The following NOVA2 variants were observed in gnomAD, a reference collection of about 807,000 sequenced individuals.
NOVA2 encodes the protein RNA-binding protein Nova-2.
NOVA2 carries 9 observed loss-of-function variants against 22.5 expected under a neutral mutation model. That is an observed-to-expected ratio of 0.40 (90% confidence interval 0.24 to 0.70). NOVA2 has a LOEUF of 0.70. NOVA2 is among the 30% of genes least tolerant of loss of function. NOVA2 has a pLI of 0.38. For missense variants in NOVA2, 383 were observed against 682.8 expected, an observed-to-expected ratio of 0.56 and a Z score of 4.89; for synonymous variants, 318 against 335.2, an observed-to-expected ratio of 0.95 and a Z score of 0.56.
chr19:45,962,950 T>C (rs1179798876), intron 1 of NOVA2, among the ~76,000 whole-genome samples: 1 of 151,646 alleles, frequency 6.6e-6, no homozygotes, highest in Admixed American at 6.6e-5. Context: ...ACCTTGCTTA[T>C]TATAAACCAG....
intron 2 of NOVA2, among the ~76,000 whole-genome samples, chr19:45,954,865 T>TGC (rs1236781643): frequency 3.8e-4 from 57 of 150,176 alleles, no homozygotes; most frequent in African/African-American, 1.4e-3. Flanking sequence ...GGTGTGTGTG[T>TGC]GTGTGTGTGT....
chr19:45,958,568 A>T (rs1217076465), intron 2 of NOVA2, among the ~76,000 whole-genome samples: 2 of 141,284 alleles, frequency 1.4e-5, no homozygotes, highest in South Asian at 4.3e-4. Flanking sequence ...TGTGGGTGTG[A>T]GGGTGTGAGT....
In NOVA2 at chr19:45,953,912, C is replaced by A. The variant is rs146320241; in HGVS notation, c.264G>T (p.Thr88=). 1 of 1,614,150 alleles carries A rather than the reference C, an allele frequency of 6.2e-7. No individual in the cohort carries two copies. The highest frequency in any genetic ancestry group is 1.7e-5 in the Admixed American group (1 of 60,002). The change falls in exon 3 of 4, where the codon ACG becomes ACT. Residue 88 remains threonine (T), a synonymous_variant. Transcript: ENST00000263257. ...TGTGCACAGCATTCAAGGCCTCTGCCGTGCCCTGTACTAGGCATACCCGCT... is the reference window on the plus strand; with the variant it reads ...TGTGCACAGCATTCAAGGCCTCTGCAGTGCCCTGTACTAGGCATACCCGCT... The part of the protein sequence containing the change: ...TTERVCLVQG[T]AEALNAVHSF...
chr19:45,972,471 A>T (rs565079485), intron 1 of NOVA2, among the ~76,000 whole-genome samples: 5 of 151,992 alleles, frequency 3.3e-5, no homozygotes, highest in South Asian at 2.1e-4. Context: ...CTTGCATGTC[A>T]CACACACCCT....
chr19:45,941,192 T>C (rs935313919), intron 3 of NOVA2, among the ~76,000 whole-genome samples: 1 of 151,872 alleles, frequency 6.6e-6, no homozygotes, highest in African/African-American at 2.4e-5. Flanking sequence ...CTCAGGAGGC[T>C]GAGGCAGGAG....
chr19:45,958,376 A>AGT (rs35437596), intron 2 of NOVA2, among the ~76,000 whole-genome samples: 5 of 148,934 alleles, frequency 3.4e-5, no homozygotes, highest in Admixed American at 1.3e-4. Flanking sequence ...TGTGTGTGAG[A>AGT]GTGTGTGTGT....
chr19:45,970,826 C>T (rs576659496), intron 1 of NOVA2, among the ~76,000 whole-genome samples: 3 of 152,166 alleles, frequency 2.0e-5, no homozygotes, highest in Non-Finnish European at 2.9e-5. Flanking sequence ...CCTTGCCCAG[C>T]CCTGCCCCTG....
chr19:45,951,651 G>T (rs2146415120), intron 3 of NOVA2, among the ~76,000 whole-genome samples: 1 of 147,314 alleles, frequency 6.8e-6, no homozygotes, highest in South Asian at 2.2e-4. Context: ...AAAAAAATTA[G>T]CCAGGCGTGG....
At position 45,939,809 on chromosome 19, in the gene NOVA2, G is replaced by A; in HGVS notation, c.*54C>T. On this transcript the variant is annotated 3_prime_UTR_variant, in exon 4 of 4. Coordinates refer to ENST00000263257, the MANE Select transcript of NOVA2 (RefSeq NM_002516.4). ...TCAGGAGTTGGGGGGGAGGAGGAGA[G>A]GGAAGAGGAGGAGATGGGAGGAGAG... The A allele has an allele frequency of 3.7e-6, 6 of 1,602,176 alleles. No homozygotes were observed. The highest frequency in any genetic ancestry group is 5.1e-6 in the Non-Finnish European group (6 of 1,172,978).
chr19:45,949,208 T>C lies in NOVA2; in HGVS notation c.396+4572A>G, dbSNP rs190265910. Reference sequence around the variant, plus strand: ...TGGCATGATGAAAATGTTCTGGAATTAGATGGTAACTGATGTACGACTCTG... The same window carrying C: ...TGGCATGATGAAAATGTTCTGGAATCAGATGGTAACTGATGTACGACTCTG... On this transcript the variant is annotated intron_variant, in intron 3 of 3. Coordinates refer to ENST00000263257, the MANE Select transcript of NOVA2 (RefSeq NM_002516.4). Among the ~76,000 whole-genome samples the C allele has an allele frequency of 3.2e-3, 484 of 151,664 alleles. 2 individuals are homozygous for C. The highest frequency in any genetic ancestry group is 5.4e-3 in the Non-Finnish European group (368 of 67,946).
At chr19:45,949,915 A>G (rs972865428) in intron 3 of NOVA2, among the ~76,000 whole-genome samples, 1 of 151,282 alleles carries the variant, frequency 6.6e-6, no homozygotes, top group Non-Finnish European at 1.5e-5. Flanking sequence ...TGATTTTTGT[A>G]TTTTTAGTAG....
intron 1 of NOVA2, among the ~76,000 whole-genome samples, chr19:45,970,165 T>C (rs970645711): frequency 1.3e-5 from 2 of 152,144 alleles, no homozygotes; most frequent in African/African-American, 4.8e-5. Context: ...TGGGTTAACA[T>C]GATAGAATTG....
intron 3 of NOVA2, among the ~76,000 whole-genome samples, chr19:45,948,981 A>G (rs1967883185): frequency 6.6e-6 from 1 of 152,236 alleles, no homozygotes; most frequent in African/African-American, 2.4e-5. Flanking sequence ...GACACATGCT[A>G]AACTATAGAT....
At position 45,961,167 on chromosome 19, in the gene NOVA2, C is replaced by T. The variant is rs1432987149; in HGVS notation, c.86-14G>A. The T allele has an allele frequency of 3.8e-6, 6 of 1,594,902 alleles. No individual in the cohort carries two copies. The highest frequency in any genetic ancestry group is 5.1e-6 in the Non-Finnish European group (6 of 1,171,218). The stretch of plus-strand genomic sequence containing the variant: ...ATTCGCCTTCCTCTGCGGGGGCACA[C>T]AGGGTGGAGGGGAGTCAGCGGGGGA... On this transcript the variant is annotated splice_polypyrimidine_tract_variant and intron_variant, in intron 1 of 3. Transcript: ENST00000263257.
At position 45,939,339 on chromosome 19, in the gene NOVA2, G is replaced by A. The variant is rs1369757875; in HGVS notation, c.*524C>T. Reference sequence around the variant, plus strand: ...ACGCCTCTGCTACCTCTACTCCCATGGCTTCCCTCAGATCTAGAACTGAAA... The same window carrying A: ...ACGCCTCTGCTACCTCTACTCCCATAGCTTCCCTCAGATCTAGAACTGAAA... On this transcript the variant is annotated 3_prime_UTR_variant, in exon 4 of 4. Coordinates refer to ENST00000263257, the MANE Select transcript of NOVA2 (RefSeq NM_002516.4). 1 of 152,398 alleles carries A rather than the reference G, an allele frequency of 6.6e-6. No individual in the cohort carries two copies. Among genetic ancestry groups the A allele is most frequent in the Admixed American group, 6.5e-5 (1 of 15,268 alleles). The allele number at this position is 152,398 out of a possible 1,614,324, so 9.4% of individuals were successfully genotyped here.
chr19:45,954,059 A>AG, intron 2 of NOVA2, 113 bp from the exon 3 acceptor site: 1 of 1,172,292 alleles, frequency 8.5e-7, no homozygotes, highest in Non-Finnish European at 1.2e-6. Context: ...AGTGGACCTG[A>AG]CTGATCACAC....
At chr19:45,958,411 T>C (rs974985757) in intron 2 of NOVA2, among the ~76,000 whole-genome samples, 2 of 145,802 alleles carry the variant, frequency 1.4e-5, no homozygotes, top group Admixed American at 6.9e-5. Flanking sequence ...GTGAGTGGGG[T>C]GTGTGTGAGT....
intron 2 of NOVA2, among the ~76,000 whole-genome samples, chr19:45,960,765 G>A (rs1182553955): frequency 6.6e-6 from 1 of 152,144 alleles, no homozygotes; most frequent in African/African-American, 2.4e-5. Context: ...ATCTGCCAGC[G>A]CATCATGCAA....
chr19:45,943,168 C>T (rs1026443054), intron 3 of NOVA2, among the ~76,000 whole-genome samples: 1 of 151,444 alleles, frequency 6.6e-6, no homozygotes, highest in African/African-American at 2.4e-5. Flanking sequence ...ATTCTGCCAC[C>T]TCAGCCTCCC....
Sources: gnomAD v4.1 joint callset for allele counts (sites outside exome capture counted in the v4.1 genomes callset) on GRCh38, gnomAD v4.1.1 for gene constraint, MANE v1.5 for transcripts, NCBI Gene and HGNC (gene_info 2026-07-23, HGNC 2026-07-21) for gene names.